The following MAST4 variants were observed in gnomAD, a reference collection of about 807,000 sequenced individuals.
The protein encoded by MAST4 is microtubule-associated serine/threonine-protein kinase 4.
MAST4 carries 89 observed loss-of-function variants against 162.7 expected under a neutral mutation model. The ratio of observed to expected loss-of-function variants is 0.55; its 90% CI spans 0.46 to 0.65. MAST4 has a LOEUF of 0.65. Among genes scored for constraint, MAST4 ranks in the 30% least tolerant of loss-of-function variants. The probability of loss-of-function intolerance (pLI) is 0.00; values close to 1 mark genes in which losing one functional copy is unlikely to be tolerated. For missense variants in MAST4, 3,153 were observed against 3,374.0 expected, an observed-to-expected ratio of 0.93 and a Z score of 1.62; for synonymous variants, 1,479 against 1,361.1, an observed-to-expected ratio of 1.09 and a Z score of -1.91.
At position 66,702,146 on chromosome 5, in the gene MAST4, C is replaced by T. The variant is rs144537900; in HGVS notation, c.364-57563C>T. On this transcript the variant is annotated intron_variant, in intron 1 of 28. Coordinates refer to ENST00000403625, the MANE Select transcript of MAST4 (RefSeq NM_001164664.2). ...GGCTCCTTGGCCCTTTCCTCTTTCT[C>T]CCATCAGGGAATGGGAGCATCGGCT... 2.6e-3 allele frequency among the ~76,000 whole-genome samples: 393 copies of T among 152,306 alleles called. 2 individuals are homozygous for T. The highest frequency in any genetic ancestry group is 3.4e-3 in the Non-Finnish European group (229 of 68,024).
At chr5:67,022,513 C>G (rs1365278935) in intron 4 of MAST4, among the ~76,000 whole-genome samples, 1 of 151,946 alleles carries the variant, frequency 6.6e-6, no homozygotes, top group Admixed American at 6.6e-5. Flanking sequence ...ATAAAATTCC[C>G]TCATGTGGAA....
chr5:66,649,439 A>T (rs1308433522), intron 1 of MAST4, among the ~76,000 whole-genome samples: 1 of 152,166 alleles, frequency 6.6e-6, no homozygotes, highest in Non-Finnish European at 1.5e-5. Flanking sequence ...GAAGTGGGCC[A>T]TACCCTCACC....
At chr5:67,047,667 A>G (rs747550554) in intron 4 of MAST4, among the ~76,000 whole-genome samples, 2 of 152,202 alleles carry the variant, frequency 1.3e-5, no homozygotes, top group Non-Finnish European at 2.9e-5. Flanking sequence ...TTTGTTTAGA[A>G]TAGTGCCTAG....
At chr5:67,063,462 A>G (rs761237804) in intron 5 of MAST4, among the ~76,000 whole-genome samples, 2 of 152,200 alleles carry the variant, frequency 1.3e-5, no homozygotes, top group Non-Finnish European at 2.9e-5. Flanking sequence ...TAATAATTCA[A>G]TGACATTGTT....
At chr5:66,730,619 C>A (rs1170732194) in intron 1 of MAST4, among the ~76,000 whole-genome samples, 1 of 152,180 alleles carries the variant, frequency 6.6e-6, no homozygotes, top group Non-Finnish European at 1.5e-5. Context: ...TAAGGTAGAA[C>A]ATTTTCCTCA....
At chr5:66,743,240 C>T (rs1752571643) in intron 1 of MAST4, among the ~76,000 whole-genome samples, 1 of 152,122 alleles carries the variant, frequency 6.6e-6, no homozygotes, top group African/African-American at 2.4e-5. Flanking sequence ...TCCCATGTCC[C>T]CTCTTCCTCC....
rs1046309005 is a variant in MAST4, at chr5:67,075,969, T to G, written c.764-14193T>G. Among the ~76,000 whole-genome samples, 23 of 152,266 alleles carry G rather than the reference T, an allele frequency of 1.5e-4. No homozygotes were observed. In the South Asian group the frequency reaches 4.8e-3, roughly 32 times the overall value. ...AGTAGTCCTGGGAAACTAGTCCAGG[T>G]GTAACATTGCCCATGATTAATTGGT... On this transcript the variant is annotated intron_variant, in intron 5 of 28. Coordinates refer to ENST00000403625, the MANE Select transcript of MAST4 (RefSeq NM_001164664.2).
At chr5:66,684,420 G>A (rs956169239) in intron 1 of MAST4, among the ~76,000 whole-genome samples, 16 of 151,886 alleles carry the variant, frequency 1.1e-4, no homozygotes, top group Non-Finnish European at 1.9e-4. Context: ...TAATTCACAT[G>A]CAGTTACCAA....
chr5:66,658,863 A>T (rs1243718823), intron 1 of MAST4, among the ~76,000 whole-genome samples: 1 of 152,048 alleles, frequency 6.6e-6, no homozygotes, highest in Non-Finnish European at 1.5e-5. Context: ...CTCTACAAAA[A>T]ATTAAAGAAT....
intron 2 of MAST4, among the ~76,000 whole-genome samples, chr5:66,786,027 C>T (rs1755102073): frequency 6.6e-6 from 1 of 152,024 alleles, no homozygotes; most frequent in Non-Finnish European, 1.5e-5. Flanking sequence ...TGCTACCACA[C>T]CTGGCTAACT....
chr5:66,725,138 C>T (rs1360722790), intron 1 of MAST4, among the ~76,000 whole-genome samples: 1 of 151,404 alleles, frequency 6.6e-6, no homozygotes, highest in Non-Finnish European at 1.5e-5. Context: ...CAATTGATAT[C>T]TTAAGGACAA....
intron 4 of MAST4, among the ~76,000 whole-genome samples, chr5:67,049,000 T>TAC (rs1554087344): frequency 0.13 from 15,865 of 124,178 alleles, 1,367 homozygotes; most frequent in South Asian, 0.19. Context: ...TATATATATA[T>TAC]ACACACACAT....
intron 4 of MAST4, among the ~76,000 whole-genome samples, chr5:66,911,923 G>A (rs1314915953): frequency 6.6e-6 from 1 of 152,166 alleles, no homozygotes; most frequent in Admixed American, 6.5e-5. Context: ...ATAGAGATAA[G>A]TGGGATTAAC....
chr5:66,638,577 T>C (rs1174587105), intron 1 of MAST4, among the ~76,000 whole-genome samples: 2 of 152,234 alleles, frequency 1.3e-5, no homozygotes, highest in Non-Finnish European at 2.9e-5. Context: ...ATGTTTCTTA[T>C]ATGCCTTATA....
At chr5:67,011,465 G>T (rs1484517732) in intron 4 of MAST4, among the ~76,000 whole-genome samples, 1 of 152,146 alleles carries the variant, frequency 6.6e-6, no homozygotes, top group Non-Finnish European at 1.5e-5. Context: ...AATCATGCAG[G>T]GCTTGCCCCT....
At chr5:66,846,785 G>C (rs1226608973) in intron 3 of MAST4, among the ~76,000 whole-genome samples, 1 of 152,194 alleles carries the variant, frequency 6.6e-6, no homozygotes, top group Non-Finnish European at 1.5e-5. Flanking sequence ...GTTCTTGTAA[G>C]ATAGGATGAA....
At chr5:66,787,170 T>C (rs1172088466) in intron 2 of MAST4, among the ~76,000 whole-genome samples, 1 of 152,236 alleles carries the variant, frequency 6.6e-6, no homozygotes, top group Admixed American at 6.5e-5. Context: ...TACTGAGTAC[T>C]GTACTTACAA....
At chr5:66,955,774 C>G (rs946371880) in intron 4 of MAST4, among the ~76,000 whole-genome samples, 1 of 152,040 alleles carries the variant, frequency 6.6e-6, no homozygotes, top group African/African-American at 2.4e-5. Flanking sequence ...ATATCCAAAC[C>G]ATGTGTGTAT....
At chr5:66,867,805 G>A (rs1760638153) in intron 3 of MAST4, among the ~76,000 whole-genome samples, 1 of 152,242 alleles carries the variant, frequency 6.6e-6, no homozygotes, top group Non-Finnish European at 1.5e-5. Context: ...TCAGTTTAGA[G>A]CCCTGTGGGG....
Sources: allele counts gnomAD v4.1 joint callset (sites outside exome capture counted in the v4.1 genomes callset), GRCh38; gene constraint gnomAD v4.1.1; transcripts MANE v1.5; gene names NCBI Gene and HGNC (gene_info 2026-07-23, HGNC 2026-07-21).